The following PTPRG variants were observed in gnomAD, a reference collection of about 807,000 sequenced individuals.
PTPRG encodes protein tyrosine phosphatase receptor type G.
Under a neutral mutation model 165.3 loss-of-function variants are expected in PTPRG, and 102 were observed. That is an observed-to-expected ratio of 0.62 (90% confidence interval 0.53 to 0.73). The LOEUF (loss-of-function observed/expected upper bound fraction) is 0.73. Ranked by LOEUF, PTPRG falls within the 30% of genes least tolerant of loss-of-function variation. The pLI is 0.00. For synonymous variants in PTPRG, 675 were observed against 669.5 expected, an observed-to-expected ratio of 1.01 and a Z score of -0.13; for missense variants, 1,866 against 1,861.4, an observed-to-expected ratio of 1.00 and a Z score of -0.05.
intron 2 of PTPRG, among the ~76,000 whole-genome samples, chr3:61,816,193 T>A (rs574216089): frequency 6.6e-6 from 1 of 152,328 alleles, no homozygotes; most frequent in African/African-American, 2.4e-5. Context: ...AATTGTGACA[T>A]GCTGTTGTTT....
chr3:62,173,201 C>A (rs983516649), intron 8 of PTPRG, among the ~76,000 whole-genome samples: 87 of 152,158 alleles, frequency 5.7e-4, no homozygotes, highest in African/African-American at 1.7e-3. Flanking sequence ...TTATACTCTA[C>A]TGATTTTTGT....
intron 2 of PTPRG, among the ~76,000 whole-genome samples, chr3:61,912,512 G>C (rs1309411833): frequency 1.3e-5 from 2 of 152,106 alleles, no homozygotes; most frequent in Non-Finnish European, 2.9e-5. Context: ...ATGTTAAAAA[G>C]AGGAAAAAGT....
In PTPRG at chr3:62,217,188, T is replaced by C. The variant is rs552373856; in HGVS notation, c.2156-1663T>C. On this transcript the variant is annotated intron_variant, in intron 12 of 29. Coordinates refer to ENST00000474889, the MANE Select transcript of PTPRG (RefSeq NM_002841.4). This position sits in a 1 kb window ranked among gnomAD's most constrained non-coding sequence, Gnocchi z 4.3. ...CTAATGAAAAAATGGAGCAGGGAGT[T>C]AGGAAAATGGGCAGGCACAGCTAGG... Among the ~76,000 whole-genome samples, 18 of 152,140 alleles carry C rather than the reference T, an allele frequency of 1.2e-4. No individual in the cohort carries two copies. Among genetic ancestry groups the C allele is most frequent in the African/African-American group, 3.9e-4 (16 of 41,484 alleles).
At chr3:62,105,214 A>C (rs1702432051) in intron 5 of PTPRG, among the ~76,000 whole-genome samples, 1 of 152,150 alleles carries the variant, frequency 6.6e-6, no homozygotes, top group Non-Finnish European at 1.5e-5. Context: ...AAGACAAATA[A>C]CATGTTTTAG....
rs554177138 is a variant in PTPRG at position 61,973,817 on chromosome 3, A to G, written c.191-15808A>G. Among the ~76,000 whole-genome samples, 21 of 151,050 alleles carry G rather than the reference A, an allele frequency of 1.4e-4. No individual in the cohort carries two copies. In the East Asian group the frequency reaches 3.9e-3, roughly 28 times the overall value. On this transcript the variant is annotated intron_variant, in intron 2 of 29. Transcript: ENST00000474889. ...CTCTGCACTCCAGCCTTGGTGACAG[A>G]GCGAGACTCCATTTCAAAATAAATA...
chr3:61,628,107 A>ATCG (rs1264136985), intron 1 of PTPRG, among the ~76,000 whole-genome samples: 1 of 152,226 alleles, frequency 6.6e-6, no homozygotes, highest in African/African-American at 2.4e-5. Context: ...TCCATATTGC[A>ATCG]TCGTCTTTCA....
At chr3:61,947,821 G>C (rs1004554897) in intron 2 of PTPRG, among the ~76,000 whole-genome samples, 1 of 152,190 alleles carries the variant, frequency 6.6e-6, no homozygotes, top group Non-Finnish European at 1.5e-5. Context: ...ACCGCATCTA[G>C]AGGGAAAAAC....
intron 2 of PTPRG, among the ~76,000 whole-genome samples, chr3:61,754,434 G>A (rs2033564736): frequency 6.6e-6 from 1 of 152,168 alleles, no homozygotes; most frequent in Non-Finnish European, 1.5e-5. Context: ...TTTATAACAT[G>A]CATGTGTGTG....
chr3:61,942,449 G>A (rs2039654069), intron 2 of PTPRG, among the ~76,000 whole-genome samples: 1 of 152,068 alleles, frequency 6.6e-6, no homozygotes, highest in South Asian at 2.1e-4. Flanking sequence ...GTACCCCATG[G>A]CCCTTTTTTC....
chr3:62,224,588 G>A lies in PTPRG; in HGVS notation c.2288+5605G>A, dbSNP rs906934273. 3.9e-5 allele frequency among the ~76,000 whole-genome samples: 6 copies of A among 152,148 alleles called. No individual in the cohort carries two copies. Among genetic ancestry groups the A allele is most frequent in the African/African-American group, 1.4e-4 (6 of 41,422 alleles). On this transcript the variant is annotated intron_variant, in intron 13 of 29. Transcript: ENST00000474889. This position sits in a 1 kb window ranked among gnomAD's most constrained non-coding sequence, Gnocchi z 4.9. ...GTATTCTTAAATATTTAAACCCATT[G>A]GTATCATTGAATTATGTATATGTTT...
chr3:62,118,889 T>G (rs1318785630), intron 5 of PTPRG, among the ~76,000 whole-genome samples: 1 of 152,206 alleles, frequency 6.6e-6, no homozygotes, highest in Non-Finnish European at 1.5e-5. Context: ...CTCTTTGAAC[T>G]CTCTAGATAC....
chr3:61,741,556 G>T (rs76750708), intron 1 of PTPRG, among the ~76,000 whole-genome samples: 1 of 152,140 alleles, frequency 6.6e-6, no homozygotes, highest in South Asian at 2.1e-4. Flanking sequence ...GTGTTACTAC[G>T]CTGTTTTGCT....
intron 1 of PTPRG, among the ~76,000 whole-genome samples, chr3:61,619,590 T>C (rs1270335799): frequency 6.6e-6 from 1 of 152,230 alleles, no homozygotes; most frequent in Non-Finnish European, 1.5e-5. Flanking sequence ...GAGCCTCTAG[T>C]GCCTCTTTTT....
intron 7 of PTPRG, among the ~76,000 whole-genome samples, chr3:62,160,753 T>C (rs530891318): frequency 6.6e-6 from 1 of 152,306 alleles, no homozygotes; most frequent in Admixed American, 6.5e-5. Flanking sequence ...AATAAGGCAC[T>C]ACCTATGATT....
At chr3:62,028,908 G>C (rs1436413994) in intron 4 of PTPRG, among the ~76,000 whole-genome samples, 1 of 152,164 alleles carries the variant, frequency 6.6e-6, no homozygotes, top group South Asian at 2.1e-4. Context: ...TAGATTATGA[G>C]TTGATACTCA....
Position 62,103,305 on chromosome 3 carries a change from T to TG in PTPRG, c.615+25048dup, listed in dbSNP as rs1576006335. ...TTAAGTGAAGGTCTTAATAAAATAT[T>TG]GAAGGTCTTAATGAAATACTCTCAA... On this transcript the variant is annotated intron_variant, in intron 5 of 29. Transcript: ENST00000474889. Among the ~76,000 whole-genome samples, 3 of 152,306 alleles carry TG rather than the reference T, an allele frequency of 2.0e-5. No individual in the cohort carries two copies. In the South Asian group the frequency reaches 6.2e-4, roughly 32 times the overall value.
At chr3:62,172,620 G>C (rs1363972476) in intron 8 of PTPRG, among the ~76,000 whole-genome samples, 2 of 152,108 alleles carry the variant, frequency 1.3e-5, no homozygotes, top group East Asian at 3.9e-4. Context: ...TAGGCCAAAA[G>C]ATGCTGACAC....
chr3:61,578,910 A>G (rs111671931), intron 1 of PTPRG, among the ~76,000 whole-genome samples: 188 of 152,318 alleles, frequency 1.2e-3, no homozygotes, highest in Admixed American at 2.0e-3. Flanking sequence ...TGCAGGTGAT[A>G]AGAATCTGGG....
intron 4 of PTPRG, among the ~76,000 whole-genome samples, chr3:62,035,402 C>T (rs76291328): frequency 2.0e-3 from 305 of 152,182 alleles, no homozygotes; most frequent in South Asian, 6.4e-3. Flanking sequence ...AATAATCTTC[C>T]GGGACATTTC....
Sources: gnomAD v4.1 joint callset for allele counts (sites outside exome capture counted in the v4.1 genomes callset) on GRCh38, gnomAD v4.1.1 for gene constraint, Gnocchi (gnomAD v3.1) non-coding constraint, MANE v1.5 for transcripts, NCBI Gene and HGNC (gene_info 2026-07-23, HGNC 2026-07-21) for gene names.